VWDE: variants seen among roughly 807,000 people sequenced by gnomAD.
VWDE encodes von Willebrand factor D and EGF domain-containing protein.
In VWDE, 207 loss-of-function variants were observed where a neutral mutation model predicts 178.4. That is an observed-to-expected ratio of 1.16 (90% CI 1.04 to 1.30). The LOEUF is 1.30. VWDE is among the 50% of genes most tolerant of loss of function. The pLI is 0.00. For missense variants in VWDE, 2,287 were observed against 1,901.3 expected, an observed-to-expected ratio of 1.20 and a Z score of -3.77; for synonymous variants, 738 against 651.4, an observed-to-expected ratio of 1.13 and a Z score of -2.02.
intron 18 of VWDE, chr7:12,353,819 C>A (rs982994627): frequency 1.3e-5 from 2 of 152,418 alleles, no homozygotes; most frequent in Non-Finnish European, 2.9e-5. Flanking sequence ...GCTTACCTCT[C>A]TAGCTCCAAC....
At chr7:12,392,465 T>C (rs978133053) in intron 2 of VWDE, among the ~76,000 whole-genome samples, 1 of 152,142 alleles carries the variant, frequency 6.6e-6, no homozygotes, top group Admixed American at 6.6e-5. Context: ...GTATGATAAG[T>C]AGAAATAATG....
chr7:12,360,647 G>C (rs1003597110), intron 15 of VWDE, among the ~76,000 whole-genome samples: 8 of 152,108 alleles, frequency 5.3e-5, no homozygotes, highest in African/African-American at 1.9e-4. Flanking sequence ...TATAGACTAA[G>C]AAGAAGTTGT....
intron 18 of VWDE, chr7:12,353,911 A>G (rs936329184): frequency 6.5e-6 from 1 of 153,246 alleles, no homozygotes; most frequent in Non-Finnish European, 1.4e-5. Flanking sequence ...GAGTGCTGTG[A>G]TGTTGCCTGC....
At chr7:12,347,078 G>A (rs1467400073) in intron 19 of VWDE, among the ~76,000 whole-genome samples, 1 of 152,154 alleles carries the variant, frequency 6.6e-6, no homozygotes, top group Non-Finnish European at 1.5e-5. Flanking sequence ...TAAGGGCAGT[G>A]AGGTAAGCAC....
At position 12,344,183 on chromosome 7, in the gene VWDE, T is replaced by A. The variant is rs766776185; in HGVS notation, c.4078+12A>T. On this transcript the variant is annotated intron_variant, in intron 21 of 28. Coordinates refer to ENST00000275358, the MANE Select transcript of VWDE (RefSeq NM_001135924.3). ...TTAGGCCTTATATTTGATTTTTAAT[T>A]TGAATTATCACCTTCATCACAGGTT... 6.5e-7 allele frequency: 1 copy of A among 1,549,060 alleles called. No homozygotes were observed. Among genetic ancestry groups the A allele is most frequent in the Admixed American group, 2.0e-5 (1 of 50,784 alleles).
rs1035514423 is a variant in VWDE at position 12,393,603 on chromosome 7, T to C, written c.234A>G (p.Lys78=). The change falls in exon 2 of 29, where the codon AAA becomes AAG. Residue 78 remains lysine, a synonymous_variant. Coordinates refer to ENST00000275358, the MANE Select transcript of VWDE (RefSeq NM_001135924.3). ...TAGGGAGTTGACATACCTCAACACATTTGGTTGGCATCTCGGCAGGTCTGT... is the reference window on the plus strand; with the variant it reads ...TAGGGAGTTGACATACCTCAACACACTTGGTTGGCATCTCGGCAGGTCTGT... ...ILDRPAEMPT[K]CVEMNHCGTQ... The C allele has an allele frequency of 3.2e-6, 5 of 1,547,938 alleles. No homozygotes were observed. In the African/African-American group the frequency reaches 6.9e-5, roughly 21 times the overall value.
intron 24 of VWDE, among the ~76,000 whole-genome samples, chr7:12,339,957 T>C (rs1169125537): frequency 2.6e-5 from 4 of 152,088 alleles, no homozygotes; most frequent in African/African-American, 9.7e-5. Context: ...TATGGGATAA[T>C]AGTGGACAGT....
chr7:12,390,330 TTGGAC>T (rs930545014), intron 2 of VWDE, among the ~76,000 whole-genome samples: 1 of 151,976 alleles, frequency 6.6e-6, no homozygotes, highest in African/African-American at 2.4e-5. Flanking sequence ...ATGCATGATC[TTGGAC>T]AAGGCACTCA....
At chr7:12,376,011 G>GT (rs1406843653) in intron 7 of VWDE, among the ~76,000 whole-genome samples, 1 of 151,926 alleles carries the variant, frequency 6.6e-6, no homozygotes, top group Non-Finnish European at 1.5e-5. Context: ...AAGGAAAAAA[G>GT]TTGTTAAAAA....
intron 3 of VWDE, among the ~76,000 whole-genome samples, chr7:12,385,894 G>A (rs562938063): frequency 2.6e-5 from 4 of 152,202 alleles, no homozygotes; most frequent in African/African-American, 9.6e-5. Context: ...TGAGTGTTCT[G>A]GGTTAGGAAA....
Position 12,336,128 on chromosome 7 carries a change from C to A in VWDE, c.4654+13G>T, listed in dbSNP as rs574523410. 1 of 1,547,202 alleles carries A rather than the reference C, an allele frequency of 6.5e-7. No homozygotes were observed. The highest frequency in any genetic ancestry group is 1.2e-5 in the South Asian group (1 of 83,530). On this transcript the variant is annotated intron_variant, in intron 27 of 28. Coordinates refer to ENST00000275358, the MANE Select transcript of VWDE (RefSeq NM_001135924.3). ...TCAGAACATATAGTAGGAAAAACAT[C>A]CTGTGGGCTTACGTATTTGACACCG... is the stretch of plus-strand genomic sequence containing the variant.
chr7:12,396,466 C>G (rs1405255307), intron 1 of VWDE, among the ~76,000 whole-genome samples: 1 of 152,058 alleles, frequency 6.6e-6, no homozygotes, highest in Non-Finnish European at 1.5e-5. Flanking sequence ...TTTTTTTAGT[C>G]TTTAAAATCT....
intron 4 of VWDE, among the ~76,000 whole-genome samples, chr7:12,383,255 C>CAA (rs1783941935): frequency 6.6e-6 from 1 of 152,040 alleles, no homozygotes; most frequent in Admixed American, 6.6e-5. Flanking sequence ...TTGTTAGGTA[C>CAA]AAACACACAT....
At chr7:12,368,831 C>T (rs892231372) in intron 12 of VWDE, among the ~76,000 whole-genome samples, 1 of 152,010 alleles carries the variant, frequency 6.6e-6, no homozygotes, top group Non-Finnish European at 1.5e-5. Context: ...TGCTTTGAAG[C>T]TGGAGCTGGA....
chr7:12,341,619 G>C (rs982845053), intron 23 of VWDE, among the ~76,000 whole-genome samples: 1 of 136,018 alleles, frequency 7.4e-6, no homozygotes. Flanking sequence ...GCGACAGAGT[G>C]AGACTCTGTC....
Position 12,393,688 on chromosome 7 carries a change from A to G in VWDE, c.149T>C (p.Val50Ala), listed in dbSNP as rs750880332. 3 of 1,551,278 alleles carry G rather than the reference A, an allele frequency of 1.9e-6. No homozygotes were observed. Among genetic ancestry groups the G allele is most frequent in the Non-Finnish European group, 2.6e-6 (3 of 1,146,702 alleles). ...FDSWHLQQSA[V>A]QDLICDHSLS... The stretch of plus-strand genomic sequence containing the variant: ...GGAATGGTCACATATTAGGTCTTGA[A>G]CAGCTGACTGCTGGAGGTGCCATGA... Residue 50 changes from valine to alanine, a missense_variant, in exon 2 of 29, where the codon GTT becomes GCT. By Grantham distance (64) the Val-to-Ala change is moderately conservative (BLOSUM62 0). Transcript: ENST00000275358.
chr7:12,335,318 T>C (rs1201659345), intron 27 of VWDE, among the ~76,000 whole-genome samples: 3 of 152,202 alleles, frequency 2.0e-5, no homozygotes, highest in East Asian at 1.9e-4. Context: ...TGCATGAAAT[T>C]TGATCTTCCT....
At chr7:12,331,685 G>C (rs1162130887) in intron 28 of VWDE, among the ~76,000 whole-genome samples, 3 of 151,980 alleles carry the variant, frequency 2.0e-5, no homozygotes, top group Non-Finnish European at 4.4e-5. Context: ...CTTACAATAA[G>C]CCTAACATTA....
Position 12,394,474 on chromosome 7 carries a change from G to C in VWDE, c.59-696C>G, listed in dbSNP as rs138039024. Among the ~76,000 whole-genome samples the C allele has an allele frequency of 6.9e-3, 1,050 of 152,230 alleles. 8 individuals are homozygous for C. Among genetic ancestry groups the C allele is most frequent in the African/African-American group, 0.024 (1,002 of 41,532 alleles). On this transcript the variant is annotated intron_variant, in intron 1 of 28. Transcript: ENST00000275358. ...CTTTTTTAGGAAACCTTTTATCTGA[G>C]TAGTCTTTGGCCTGGAAGATACTTT... is the stretch of plus-strand genomic sequence containing the variant.
Sources: gnomAD v4.1 joint callset for allele counts (sites outside exome capture counted in the v4.1 genomes callset) on GRCh38, gnomAD v4.1.1 for gene constraint, MANE v1.5 for transcripts, NCBI Gene and HGNC (gene_info 2026-07-23, HGNC 2026-07-21) for gene names.